Variants in CTBP2 observed in about 807,000 individuals in gnomAD.
CTBP2 encodes the protein C-terminal binding protein 2.
In CTBP2, 30 loss-of-function variants were observed where a neutral mutation model predicts 80.3. The ratio of observed to expected loss-of-function variants is 0.37; its 90% CI spans 0.28 to 0.51. CTBP2 has a LOEUF of 0.51. CTBP2 is among the 20% of genes least tolerant of loss of function. CTBP2 has a pLI of 0.93. For missense variants in CTBP2, 1,212 were observed against 1,375.3 expected, an observed-to-expected ratio of 0.88 and a Z score of 1.88; for synonymous variants, 594 against 587.4, an observed-to-expected ratio of 1.01 and a Z score of -0.16.
At chr10:125,090,761 A>AAAAT (rs1438666102) in intron 2 of CTBP2, among the ~76,000 whole-genome samples, 1 of 152,036 alleles carries the variant, frequency 6.6e-6, no homozygotes, top group Non-Finnish European at 1.5e-5. Flanking sequence ...CTCAAAAAAA[A>AAAAT]AAATAAATAA....
chr10:125,138,862 C>T (rs1265413715), intron 1 of CTBP2, among the ~76,000 whole-genome samples: 2 of 152,166 alleles, frequency 1.3e-5, no homozygotes, highest in African/African-American at 4.8e-5. Flanking sequence ...TCTCTTCACT[C>T]GGCTAACTGT....
At chr10:125,111,878 T>C (rs1389699134) in intron 1 of CTBP2, among the ~76,000 whole-genome samples, 2 of 152,174 alleles carry the variant, frequency 1.3e-5, no homozygotes, top group Admixed American at 1.3e-4. Flanking sequence ...GTGTCCTTTC[T>C]ACGGCTTTTC....
In CTBP2 at chr10:125,027,968, C is replaced by G; in HGVS notation, c.-209G>C. ...AAACATAAGACTCACGGTAACTTTG[C>G]CTCACTCCCCAACGATAGCCAGAGA... On this transcript the variant is annotated 5_prime_UTR_variant, in exon 1 of 9. Transcript: ENST00000309035. 5 of 1,363,514 alleles carry G rather than the reference C, an allele frequency of 3.7e-6. No individual in the cohort carries two copies. Among genetic ancestry groups the G allele is most frequent in the Non-Finnish European group, 4.8e-6 (5 of 1,051,856 alleles). 84.5% of individuals were successfully genotyped at this position (1,363,514 alleles called of 1,614,324 possible).
In CTBP2 at chr10:124,987,835, T is replaced by C. The variant is rs1340355692; in HGVS notation, c.*1683A>G. The C allele has an allele frequency of 2.0e-5, 3 of 152,230 alleles. No individual in the cohort carries two copies. The highest frequency in any genetic ancestry group is 2.4e-5 in the African/African-American group (1 of 41,460). The allele number at this position is 152,230 out of a possible 1,614,324, so 9.4% of individuals were successfully genotyped here. A position where few individuals can be genotyped will look rare whatever the true frequency, so the allele number is the denominator to read the frequency against. ...TCATACCTGGAATTGTTGGACTTAA[T>C]TGACACTTGCAAATACTTTTAGTAT... On this transcript the variant is annotated 3_prime_UTR_variant, in exon 9 of 9. Transcript: ENST00000309035.
rs1378450071 is a variant in CTBP2 at position 125,153,100 on chromosome 10, C to A, written c.-206+7219G>T. The stretch of plus-strand genomic sequence containing the variant: ...ACGCAGCCCATCTGGCCCGGCAGCT[C>A]CAACAGCAAGGCCTCCCTGTTCCGA... On this transcript the variant is annotated intron_variant, in intron 1 of 10. Transcript: ENST00000337195. Among the ~76,000 whole-genome samples, 4 of 152,222 alleles carry A rather than the reference C, an allele frequency of 2.6e-5. No homozygotes were observed. The East Asian group carries it at 7.7e-4, about 29-fold the overall frequency.
intron 1 of CTBP2, among the ~76,000 whole-genome samples, chr10:125,010,207 C>G (rs1405289003): frequency 8.5e-6 from 1 of 117,896 alleles, no homozygotes; most frequent in Admixed American, 1.0e-4. Flanking sequence ...AAGAGTGGCA[C>G]TATTTTAAGG....
intron 1 of CTBP2, among the ~76,000 whole-genome samples, chr10:125,130,485 G>A (rs890047392): frequency 3.9e-5 from 6 of 152,142 alleles, no homozygotes; most frequent in African/African-American, 9.7e-5. Flanking sequence ...CGACTTGGAC[G>A]CAGCTGCTGT....
intron 1 of CTBP2, among the ~76,000 whole-genome samples, chr10:125,138,666 T>TAAAAA (rs77530093): frequency 8.0e-6 from 1 of 124,674 alleles, no homozygotes. Context: ...GCCAAATGGT[T>TAAAAA]AAAAAAAAAA....
chr10:125,103,693 C>A (rs1850999512), intron 2 of CTBP2, among the ~76,000 whole-genome samples: 1 of 152,172 alleles, frequency 6.6e-6, no homozygotes, highest in South Asian at 2.1e-4. Context: ...AGGCCCCATC[C>A]ATGCCCCCCA....
Position 124,986,684 on chromosome 10 carries a change from G to T in CTBP2, c.*2834C>A, listed in dbSNP as rs1219891163. ...TGTTTGCTTTCATTTTGGCCAATAA[G>T]TAATCAAGTTTGTAGAAAATGTTAG... On this transcript the variant is annotated 3_prime_UTR_variant, in exon 9 of 9. Transcript: ENST00000309035. 2.0e-5 allele frequency: 3 copies of T among 152,194 alleles called. No homozygotes were observed. The highest frequency in any genetic ancestry group is 2.0e-4 in the Admixed American group (3 of 15,272). The allele number at this position is 152,194 out of a possible 1,614,324, so 9.4% of individuals were successfully genotyped here. A position where few individuals can be genotyped will look rare whatever the true frequency, so the allele number is the denominator to read the frequency against.
chr10:125,038,355 C>T (rs1959094343), intron 3 of CTBP2, among the ~76,000 whole-genome samples: 1 of 152,076 alleles, frequency 6.6e-6, no homozygotes, highest in African/African-American at 2.4e-5. Context: ...AAAGAGCAGC[C>T]CTGTAGCACT....
intron 1 of CTBP2, among the ~76,000 whole-genome samples, chr10:125,016,538 C>T (rs538088275): frequency 1.4e-4 from 21 of 152,366 alleles, no homozygotes; most frequent in African/African-American, 4.8e-4. Flanking sequence ...AGCAAAATAA[C>T]ACCCTCCTCC....
rs147649479 is a variant in CTBP2, at chr10:125,100,264, A to G, written c.-102+10726T>C. On this transcript the variant is annotated intron_variant, in intron 2 of 10. Transcript: ENST00000337195. Reference sequence around the variant, plus strand: ...TGCAGACAACAGTGAAAAAAATGGTATTTGATGATTGGCCACCCAATTCTC... The same window carrying G: ...TGCAGACAACAGTGAAAAAAATGGTGTTTGATGATTGGCCACCCAATTCTC... Among the ~76,000 whole-genome samples, 162 of 152,358 alleles carry G rather than the reference A, an allele frequency of 1.1e-3. 1 individual carries two copies. The highest frequency in any genetic ancestry group is 3.5e-3 in the African/African-American group (145 of 41,596).
chr10:125,080,152 T>C (rs545209189), intron 2 of CTBP2, among the ~76,000 whole-genome samples: 9 of 152,328 alleles, frequency 5.9e-5, no homozygotes, highest in African/African-American at 2.2e-4. Context: ...GAAGGCATTT[T>C]ATACTCTGTT....
rs1373896188 is a variant in CTBP2 at position 125,051,445 on chromosome 10, G to A, written c.-101-12290C>T. 2.0e-5 allele frequency among the ~76,000 whole-genome samples: 3 copies of A among 152,204 alleles called. No individual in the cohort carries two copies. The East Asian group carries it at 5.8e-4, about 29-fold the overall frequency. On this transcript the variant is annotated intron_variant, in intron 2 of 10. Coordinates refer to the CTBP2 transcript ENST00000337195. ...ACTTGAGGTCAGGAGTTTGAGACAA[G>A]CCTGGCCAACATGGCAAAACCCCAT...
intron 2 of CTBP2, among the ~76,000 whole-genome samples, chr10:125,076,223 C>T (rs776393569): frequency 3.5e-4 from 53 of 152,318 alleles, no homozygotes; most frequent in Admixed American, 1.7e-3. Context: ...GAAGACGACC[C>T]TGAGCAAACG....
intron 2 of CTBP2, among the ~76,000 whole-genome samples, chr10:125,049,124 A>G (rs1962085911): frequency 2.3e-5 from 3 of 131,164 alleles, no homozygotes; most frequent in South Asian, 5.1e-4. Context: ...CACACACAAC[A>G]CCCCTTTCAC....
Position 125,099,306 on chromosome 10 carries a change from T to C in CTBP2, c.-102+11684A>G, listed in dbSNP as rs148544048. Reference sequence around the variant, plus strand: ...ACCTTGTAAGGCTGTGCCACACACATAGGACCAACTCAAGCTGTGCAGCGT... The same window carrying C: ...ACCTTGTAAGGCTGTGCCACACACACAGGACCAACTCAAGCTGTGCAGCGT... On this transcript the variant is annotated intron_variant, in intron 2 of 10. Transcript: ENST00000337195. 1.2e-4 allele frequency among the ~76,000 whole-genome samples: 18 copies of C among 152,336 alleles called. No individual in the cohort carries two copies. In the East Asian group the frequency reaches 2.7e-3, roughly 23 times the overall value.
At chr10:125,025,032 G>GTC (rs1957399651) in intron 1 of CTBP2, among the ~76,000 whole-genome samples, 1 of 152,150 alleles carries the variant, frequency 6.6e-6, no homozygotes, top group Non-Finnish European at 1.5e-5. Flanking sequence ...ACTTAAGGTG[G>GTC]TCTCTGCAGG....
Sources: allele counts gnomAD v4.1 joint callset (sites outside exome capture counted in the v4.1 genomes callset), GRCh38; gene constraint gnomAD v4.1.1; transcripts MANE v1.5; gene names NCBI Gene and HGNC (gene_info 2026-07-23, HGNC 2026-07-21).